Variants in SLC5A10 observed in about 807,000 individuals in gnomAD.
SLC5A10 encodes the protein sodium/mannose cotransporter SLC5A10.
In SLC5A10, 55 loss-of-function variants were observed where a neutral mutation model predicts 68.9. That is an observed-to-expected ratio of 0.80 (90% CI 0.64 to 1.00). The LOEUF is 1.00. Ranked by LOEUF, SLC5A10 falls within the 50% of genes least tolerant of loss-of-function variation. SLC5A10 has a pLI of 0.00. For missense variants in SLC5A10, 732 were observed against 819.3 expected (o/e 0.89, Z 1.30); for synonymous variants, 344 against 344.8 (o/e 1.00, Z 0.02).
chr17:18,965,686 C>T (rs1474769985), intron 5 of SLC5A10, among the ~76,000 whole-genome samples: 1 of 152,252 alleles, frequency 6.6e-6, no homozygotes, highest in South Asian at 2.1e-4. Flanking sequence ...CTCAGCCTTG[C>T]TCCCTCCCTG....
At chr17:19,013,786 G>A (rs1347314711) in intron 10 of SLC5A10, among the ~76,000 whole-genome samples, 1 of 151,652 alleles carries the variant, frequency 6.6e-6, no homozygotes, top group Admixed American at 6.6e-5. Flanking sequence ...TTGGGCCTTC[G>A]CTTTTCTCTT....
At chr17:18,985,533 G>T (rs1450895935) in intron 9 of SLC5A10, among the ~76,000 whole-genome samples, 1 of 152,124 alleles carries the variant, frequency 6.6e-6, no homozygotes, top group Non-Finnish European at 1.5e-5. Context: ...GGCAAAGGAA[G>T]TGCTCCCGGG....
Position 18,990,564 on chromosome 17 carries a change from G to A in SLC5A10, c.982+13575G>A, listed in dbSNP as rs535164151. On this transcript the variant is annotated intron_variant, in intron 9 of 14. Transcript: ENST00000395645. The stretch of plus-strand genomic sequence containing the variant: ...TTGCCCTGGGCTTGGGCTGGGGGAC[G>A]TGCCCCAGCAGGACCCGCACCATGT... 3.2e-4 allele frequency among the ~76,000 whole-genome samples: 48 copies of A among 152,312 alleles called. No individual in the cohort carries two copies. In the East Asian group the frequency reaches 8.7e-3, roughly 28 times the overall value.
chr17:18,969,021 C>A (rs746541384), intron 5 of SLC5A10, 31 bp from the exon 6 acceptor site: 4 of 1,587,162 alleles, frequency 2.5e-6, no homozygotes, highest in East Asian at 4.5e-5. Flanking sequence ...CTGGGAATAA[C>A]AGTCCCACAC....
rs370131865 is a variant in SLC5A10 at position 18,995,505 on chromosome 17, T to C, written c.983-17905T>C. Among the ~76,000 whole-genome samples the C allele has an allele frequency of 2.3e-3, 343 of 152,222 alleles. 2 individuals carry two copies. The highest frequency in any genetic ancestry group is 2.0e-3 in the Non-Finnish European group (139 of 68,022). ...TGGGTCAACTTCAAGCCATCCAATA[T>C]ATGTGTAATTGCAGTCTCAGAAGGT... is the stretch of plus-strand genomic sequence containing the variant. On this transcript the variant is annotated intron_variant, in intron 9 of 14. Coordinates refer to ENST00000395645, the MANE Select transcript of SLC5A10 (RefSeq NM_001042450.4).
chr17:18,977,120 G>A (rs183581661), intron 9 of SLC5A10, 131 bp downstream of exon 9: 1 of 1,305,884 alleles, frequency 7.7e-7, no homozygotes, highest in East Asian at 2.4e-5. Flanking sequence ...GGAGTGGGGA[G>A]AGTGGTCCTC....
chr17:19,009,579 A>C (rs1036388924), intron 9 of SLC5A10, among the ~76,000 whole-genome samples: 7 of 152,176 alleles, frequency 4.6e-5, no homozygotes, highest in African/African-American at 1.7e-4. Flanking sequence ...CTGCAATGGC[A>C]GTGTCTGGAC....
At chr17:18,995,393 T>C (rs2043540313) in intron 9 of SLC5A10, among the ~76,000 whole-genome samples, 1 of 152,052 alleles carries the variant, frequency 6.6e-6, no homozygotes, top group African/African-American at 2.4e-5. Flanking sequence ...AAGAGAAAAT[T>C]AGTGAACTTG....
At chr17:19,008,563 G>C (rs2043949108) in intron 9 of SLC5A10, among the ~76,000 whole-genome samples, 2 of 150,318 alleles carry the variant, frequency 1.3e-5, no homozygotes, top group Non-Finnish European at 2.9e-5. Flanking sequence ...GCAGTGTCAC[G>C]ATCTCAGCTC....
At chr17:18,992,219 C>A (rs924577709) in intron 9 of SLC5A10, among the ~76,000 whole-genome samples, 1 of 152,198 alleles carries the variant, frequency 6.6e-6, no homozygotes, top group Non-Finnish European at 1.5e-5. Flanking sequence ...CTTCTCCACC[C>A]TGCCTTCTGC....
At chr17:18,955,295 G>T (rs79525569) in intron 1 of SLC5A10, among the ~76,000 whole-genome samples, 1 of 152,044 alleles carries the variant, frequency 6.6e-6, no homozygotes, top group African/African-American at 2.4e-5. Context: ...CCAGCCCTGC[G>T]ATTGAGCCTG....
intron 9 of SLC5A10, among the ~76,000 whole-genome samples, chr17:18,984,579 G>A (rs958646403): frequency 1.3e-5 from 2 of 152,226 alleles, no homozygotes; most frequent in African/African-American, 4.8e-5. Flanking sequence ...AACGGGAAAC[G>A]GGTCTGGCCT....
At chr17:19,001,658 T>A (rs1230198230) in intron 9 of SLC5A10, among the ~76,000 whole-genome samples, 1 of 152,200 alleles carries the variant, frequency 6.6e-6, no homozygotes, top group Admixed American at 6.5e-5. Flanking sequence ...GGGACTTTTG[T>A]GGGAAGCAAA....
In SLC5A10 at chr17:19,004,862, T is replaced by TC. The variant is rs1473910997; in HGVS notation, c.983-8547dup. On this transcript the variant is annotated intron_variant, in intron 9 of 14. Transcript: ENST00000395645. The surrounding 1 kb of genome is among the most constrained non-coding windows in gnomAD (Gnocchi z 5.4). ...GCCCGGGGCGGGGCCGGAAGCTGAT[T>TC]CACCCCTCGACAGACAGACAGACCT... 3 of 151,820 alleles carry TC rather than the reference T, an allele frequency of 2.0e-5. No homozygotes were observed. The highest frequency in any genetic ancestry group is 2.9e-5 in the Non-Finnish European group (2 of 67,866). 9.4% of individuals were successfully genotyped at this position (151,820 alleles called of 1,614,324 possible). A position where few individuals can be genotyped will look rare whatever the true frequency, so the allele number is the denominator to read the frequency against.
At chr17:18,977,595 T>C in intron 9 of SLC5A10, 1 of 1,608,540 alleles carries the variant, frequency 6.2e-7, no homozygotes, top group South Asian at 1.1e-5. Context: ...TGTGCCTCCT[T>C]GTCTGTGGAG....
At chr17:19,008,993 G>A (rs1359448789) in intron 9 of SLC5A10, among the ~76,000 whole-genome samples, 1 of 150,478 alleles carries the variant, frequency 6.6e-6, no homozygotes, top group East Asian at 2.0e-4. Flanking sequence ...TGTATTTTTT[G>A]GTAGAGACAG....
At chr17:18,976,810 G>A in intron 8 of SLC5A10, 44 bp from the exon 9 acceptor site, 1 of 1,605,000 alleles carries the variant, frequency 6.2e-7, no homozygotes, top group Non-Finnish European at 8.5e-7. Flanking sequence ...TGACACAAGT[G>A]TCCCTCAGGC....
upstream of SLC5A10, chr17:18,950,742 G>A: frequency 1.0e-6 from 1 of 969,978 alleles, no homozygotes; most frequent in Non-Finnish European, 1.2e-6. Context: ...GTGAGATGGA[G>A]TCTCCCTCTG....
chr17:19,021,927 AG>A lies in SLC5A10; in HGVS notation c.*1498del. 6.8e-7 allele frequency: 1 copy of A among 1,467,572 alleles called. No individual in the cohort carries two copies. 90.9% of individuals were successfully genotyped at this position (1,467,572 alleles called of 1,614,324 possible). The stretch of plus-strand genomic sequence containing the variant: ...TCTCTGGACCTCAGTTCCTGTAAAA[AG>A]GCCCGTTGGCCAGATCGGCCGCCGG... On this transcript the variant is annotated 3_prime_UTR_variant, in exon 15 of 15. Coordinates refer to ENST00000395645, the MANE Select transcript of SLC5A10 (RefSeq NM_001042450.4). This position sits in a 1 kb window ranked among gnomAD's most constrained non-coding sequence, Gnocchi z 4.1.
Sources: allele counts gnomAD v4.1 joint callset (sites outside exome capture counted in the v4.1 genomes callset), GRCh38; gene constraint gnomAD v4.1.1; non-coding constraint Gnocchi (gnomAD v3.1); transcripts MANE v1.5; gene names NCBI Gene and HGNC (gene_info 2026-07-23, HGNC 2026-07-21).